The following PLEKHH2 variants were observed in gnomAD, a reference collection of about 807,000 sequenced individuals.
The protein encoded by PLEKHH2 is pleckstrin homology, MyTH4 and FERM domain containing H2.
PLEKHH2 carries 129 observed loss-of-function variants against 187.9 expected under a neutral mutation model. The ratio of observed to expected loss-of-function variants is 0.69; its 90% confidence interval spans 0.59 to 0.79. The LOEUF is 0.79. PLEKHH2 is among the 30% of genes least tolerant of loss of function. The probability of loss-of-function intolerance (pLI) is 0.00; values close to 1 mark genes in which losing one functional copy is unlikely to be tolerated. For missense variants in PLEKHH2, 2,076 were observed against 1,751.2 expected (o/e 1.19, Z -3.31); for synonymous variants, 686 against 605.6 (o/e 1.13, Z -1.95).
chr2:43,651,707 C>T (rs1000888706), intron 2 of PLEKHH2, among the ~76,000 whole-genome samples: 2 of 152,102 alleles, frequency 1.3e-5, no homozygotes, highest in Non-Finnish European at 2.9e-5. Flanking sequence ...AGACTGAAAT[C>T]CCAGCCATGA....
chr2:43,679,888 T>C (rs1485077463), intron 3 of PLEKHH2, among the ~76,000 whole-genome samples: 1 of 152,212 alleles, frequency 6.6e-6, no homozygotes, highest in Non-Finnish European at 1.5e-5. Context: ...TCCAGGATGA[T>C]CTTGAACTAC....
chr2:43,709,947 C>T lies in PLEKHH2; in HGVS notation c.1967-43C>T, dbSNP rs72871626. 4,858 of 1,551,864 alleles carry T rather than the reference C, an allele frequency of 3.1e-3. 140 individuals are homozygous for T. In the African/African-American group the frequency reaches 0.057, roughly 18 times the overall value. On this transcript the variant is annotated intron_variant, in intron 11 of 29. Transcript: ENST00000282406. ...ACTCAGAGCTGGTGTTTGGCCCTCC[C>T]CAGTATTAAATACTGACTTGATTTC... is the stretch of plus-strand genomic sequence containing the variant.
chr2:43,709,926 A>C, intron 11 of PLEKHH2, 64 bp from the exon 12 acceptor site: 9 of 1,442,736 alleles, frequency 6.2e-6, no homozygotes, highest in African/African-American at 1.4e-5. Context: ...AGGAGCACTC[A>C]GAGCTGGTGT....
intron 2 of PLEKHH2, among the ~76,000 whole-genome samples, chr2:43,660,080 T>C (rs1425679657): frequency 1.3e-5 from 2 of 152,192 alleles, no homozygotes; most frequent in African/African-American, 2.4e-5. Context: ...CAATCACTGA[T>C]ATAGTTTCTG....
intron 2 of PLEKHH2, among the ~76,000 whole-genome samples, chr2:43,649,128 TG>T (rs1341388737): frequency 7.2e-5 from 11 of 152,182 alleles, no homozygotes; most frequent in African/African-American, 2.7e-4. Context: ...ATTGAAGTCT[TG>T]GGCAAGTGCT....
intron 25 of PLEKHH2, among the ~76,000 whole-genome samples, chr2:43,756,874 G>A (rs1371025306): frequency 6.6e-6 from 1 of 152,070 alleles, no homozygotes. Context: ...AATTGAACCT[G>A]GGAGGCAGAG....
chr2:43,675,429 G>T, intron 2 of PLEKHH2: 2 of 1,608,946 alleles, frequency 1.2e-6, no homozygotes, highest in African/African-American at 1.3e-5. Flanking sequence ...CATTGAAATA[G>T]TGTCCAAATG....
intron 2 of PLEKHH2, chr2:43,675,739 A>C (rs1459469538): frequency 6.2e-7 from 1 of 1,613,862 alleles, no homozygotes; most frequent in Non-Finnish European, 8.5e-7. Context: ...AAGTCTGTTA[A>C]GTCTTTTCAT....
At position 43,699,542 on chromosome 2, in the gene PLEKHH2, A is replaced by AAATTTCTACAGTGTC. The variant is rs1669251389; in HGVS notation, c.689-90_689-76dup. 63 of 1,404,964 alleles carry AAATTTCTACAGTGTC rather than the reference A, an allele frequency of 4.5e-5. No individual in the cohort carries two copies. In the South Asian group the frequency reaches 4.5e-4, roughly 10 times the overall value. The allele number at this position is 1,404,964 out of a possible 1,614,324, so 87.0% of individuals were successfully genotyped here. A position where few individuals can be genotyped will look rare whatever the true frequency, so the allele number is the denominator to read the frequency against. ...ACAGGTACACACCACTGCACCCAGC[A>AAATTTCTACAGTGTC]AATTTCTACAGTGTCAATTTCTACA... On this transcript the variant is annotated intron_variant, in intron 7 of 29. Transcript: ENST00000282406.
intron 16 of PLEKHH2, among the ~76,000 whole-genome samples, chr2:43,722,450 C>A (rs1670527148): frequency 6.6e-6 from 1 of 152,148 alleles, no homozygotes; most frequent in South Asian, 2.1e-4. Flanking sequence ...CGAGGCTTCA[C>A]TGGGAAGCTT....
chr2:43,692,917 T>C (rs753601679), intron 4 of PLEKHH2, among the ~76,000 whole-genome samples: 1 of 152,004 alleles, frequency 6.6e-6, no homozygotes, highest in Non-Finnish European at 1.5e-5. Flanking sequence ...AACATTTGAG[T>C]TTATTTATTT....
At chr2:43,666,268 C>T (rs1200233242) in intron 2 of PLEKHH2, among the ~76,000 whole-genome samples, 1 of 151,226 alleles carries the variant, frequency 6.6e-6, no homozygotes, top group East Asian at 1.9e-4. Flanking sequence ...TTCTTTGACT[C>T]GGAAAGGGAA....
chr2:43,761,962 C>CT lies in PLEKHH2; in HGVS notation c.4072-340dup, dbSNP rs113022188. Among the ~76,000 whole-genome samples the CT allele has an allele frequency of 7.4e-3, 1,126 of 152,202 alleles. 14 individuals are homozygous for CT. Among genetic ancestry groups the CT allele is most frequent in the African/African-American group, 0.025 (1,056 of 41,520 alleles). On this transcript the variant is annotated intron_variant, in intron 27 of 29. Transcript: ENST00000282406. ...TTGGTCATCATAGAAACCCTAAAAA[C>CT]TTGTTGACTATTAACGTCTTAACGC... is the stretch of plus-strand genomic sequence containing the variant.
At chr2:43,668,852 C>G (rs879675114) in intron 2 of PLEKHH2, among the ~76,000 whole-genome samples, 5 of 152,156 alleles carry the variant, frequency 3.3e-5, no homozygotes, top group Non-Finnish European at 7.4e-5. Context: ...TGTGTTTCCA[C>G]AGTTGTTACC....
At chr2:43,739,179 C>T (rs1671443276) in intron 20 of PLEKHH2, among the ~76,000 whole-genome samples, 1 of 152,196 alleles carries the variant, frequency 6.6e-6, no homozygotes, top group African/African-American at 2.4e-5. Flanking sequence ...GTGTGAGCCA[C>T]CGCGCCCACC....
Position 43,727,761 on chromosome 2 carries a change from T to C in PLEKHH2, c.2721+1310T>C, listed in dbSNP as rs557416746. ...TGAAGCACTTTCCTGTGGTCACACA[T>C]CTGGCAAGAGGCAGAGTTGATATTA... On this transcript the variant is annotated intron_variant, in intron 17 of 29. Coordinates refer to ENST00000282406, the MANE Select transcript of PLEKHH2 (RefSeq NM_172069.4). Among the ~76,000 whole-genome samples the C allele has an allele frequency of 7.9e-5, 12 of 152,286 alleles. No individual in the cohort carries two copies. The East Asian group carries it at 2.3e-3, about 29-fold the overall frequency.
chr2:43,707,195 T>A (rs1572593818), intron 10 of PLEKHH2, among the ~76,000 whole-genome samples: 13 of 26,714 alleles, frequency 4.9e-4, no homozygotes, highest in South Asian at 4.0e-3. Context: ...AGACTCCACC[T>A]CAAAAAAAAA....
Position 43,700,157 on chromosome 2 carries a change from C to T in PLEKHH2, c.1199C>T (p.Ser400Leu), listed in dbSNP as rs1326941593. ...FQSQRLDYSS[S>L]SSEANTPSPI... ...TCCCAGAGACTCGATTATTCATCTT[C>T]ATCGAGTGAAGCCAACACCCCAAGC... Residue 400 changes from serine to leucine, a missense_variant, in exon 8 of 30, where the codon TCA (serine) becomes TTA (leucine). By Grantham distance (145) the Ser-to-Leu change is moderately radical (BLOSUM62 -2). Transcript: ENST00000282406. 1 of 1,614,142 alleles carries T rather than the reference C, an allele frequency of 6.2e-7. No homozygotes were observed. Among genetic ancestry groups the T allele is most frequent in the African/African-American group, 1.3e-5 (1 of 75,026 alleles).
intron 6 of PLEKHH2, among the ~76,000 whole-genome samples, chr2:43,696,723 C>T (rs1669109168): frequency 6.6e-6 from 1 of 152,044 alleles, no homozygotes; most frequent in Non-Finnish European, 1.5e-5. Flanking sequence ...GATGGTTGCC[C>T]CAAGGATGAT....
Sources: allele counts gnomAD v4.1 joint callset (sites outside exome capture counted in the v4.1 genomes callset), GRCh38; gene constraint gnomAD v4.1.1; transcripts MANE v1.5; gene names NCBI Gene and HGNC (gene_info 2026-07-23, HGNC 2026-07-21).